The following ABTB3 variants were observed in gnomAD, a reference collection of about 807,000 sequenced individuals.
ABTB3 encodes the protein ankyrin repeat- and BTB/POZ domain-containing protein 3.
chr12:107,580,794 C>A, the ABTB3 span: 1 of 1,496,844 alleles, frequency 6.7e-7, no homozygotes, highest in Admixed American at 2.1e-5. Context: ...CCAGACCCTG[C>A]GCTTGGTGCT....
chr12:107,490,570 AGG>A, the ABTB3 span, among the ~76,000 whole-genome samples: 1 of 152,158 alleles, frequency 6.6e-6, no homozygotes, highest in Admixed American at 6.5e-5. Flanking sequence ...TCATGCCCCT[AGG>A]AATCCGACTG....
the ABTB3 span, among the ~76,000 whole-genome samples, chr12:107,566,167 T>C: frequency 6.6e-6 from 1 of 152,222 alleles, no homozygotes; most frequent in Non-Finnish European, 1.5e-5. Context: ...CCTGCTCTTA[T>C]CTTTTCCTTG....
chr12:107,566,828 ACT>A, the ABTB3 span, among the ~76,000 whole-genome samples: 2 of 152,110 alleles, frequency 1.3e-5, no homozygotes, highest in African/African-American at 4.8e-5. Context: ...AGGGGCAGTG[ACT>A]CACATCTGTA....
At chr12:107,628,956 C>A in the ABTB3 span, among the ~76,000 whole-genome samples, 3 of 152,126 alleles carry the variant, frequency 2.0e-5, no homozygotes, top group Admixed American at 6.5e-5. Flanking sequence ...GCCTGAGCCA[C>A]CTATAAAGGA....
chr12:107,336,403 G>A, the ABTB3 span, among the ~76,000 whole-genome samples: 1 of 152,366 alleles, frequency 6.6e-6, no homozygotes, highest in East Asian at 1.9e-4. Context: ...TCTGAAGACA[G>A]TCTGGCTGCA....
chr12:107,477,046 A>G, the ABTB3 span, among the ~76,000 whole-genome samples: 1 of 152,140 alleles, frequency 6.6e-6, no homozygotes, highest in Non-Finnish European at 1.5e-5. Context: ...CCACATGACT[A>G]CTGGTGCTCT....
chr12:107,458,110 C>T, the ABTB3 span, among the ~76,000 whole-genome samples: 113 of 152,326 alleles, frequency 7.4e-4, no homozygotes, highest in African/African-American at 2.6e-3. Flanking sequence ...TCCTCATCCT[C>T]ATCATCATTG....
the ABTB3 span, among the ~76,000 whole-genome samples, chr12:107,342,770 T>C: frequency 6.6e-6 from 1 of 152,136 alleles, no homozygotes; most frequent in African/African-American, 2.4e-5. Context: ...GGCTCCTCTC[T>C]TCCCCTGCTG....
chr12:107,411,819 AGCTGCG>A, the ABTB3 span, among the ~76,000 whole-genome samples: 1 of 151,904 alleles, frequency 6.6e-6, no homozygotes, highest in South Asian at 2.1e-4. Flanking sequence ...TCCAAATTCC[AGCTGCG>A]GCTTGATCTA....
the ABTB3 span, among the ~76,000 whole-genome samples, chr12:107,532,570 T>A: frequency 6.6e-5 from 10 of 151,990 alleles, no homozygotes; most frequent in African/African-American, 2.2e-4. Flanking sequence ...TCCATAAAAT[T>A]AGAAAAAGCA....
the ABTB3 span, among the ~76,000 whole-genome samples, chr12:107,419,869 C>G: frequency 6.6e-6 from 1 of 152,192 alleles, no homozygotes; most frequent in Non-Finnish European, 1.5e-5. Context: ...GAAGAGCATG[C>G]CTAGCAGAGG....
chr12:107,533,474 A>G, the ABTB3 span, among the ~76,000 whole-genome samples: 1 of 152,246 alleles, frequency 6.6e-6, no homozygotes, highest in Non-Finnish European at 1.5e-5. Flanking sequence ...AACAGTAGCT[A>G]TATTTATTTC....
At chr12:107,375,648 GT>G in the ABTB3 span, among the ~76,000 whole-genome samples, 3 of 152,156 alleles carry the variant, frequency 2.0e-5, no homozygotes, top group Non-Finnish European at 4.4e-5. Context: ...TTCCTGGTCT[GT>G]AGCACAGTGA....
the ABTB3 span, among the ~76,000 whole-genome samples, chr12:107,344,302 G>A: frequency 6.6e-6 from 1 of 152,212 alleles, no homozygotes; most frequent in Non-Finnish European, 1.5e-5. Context: ...GGGAGGCTAA[G>A]AAGTTTAGTT....
the ABTB3 span, among the ~76,000 whole-genome samples, chr12:107,466,613 C>A: frequency 6.6e-6 from 1 of 151,960 alleles, no homozygotes; most frequent in Non-Finnish European, 1.5e-5. Context: ...GCAAATGAGA[C>A]CTGCCCTGGG....
chr12:107,641,207 C>A, the ABTB3 span, among the ~76,000 whole-genome samples: 46 of 152,250 alleles, frequency 3.0e-4, no homozygotes, highest in African/African-American at 9.9e-4. Context: ...AAACACAAAC[C>A]CCAGATGTCT....
At chr12:107,493,427 G>A in the ABTB3 span, among the ~76,000 whole-genome samples, 4 of 152,312 alleles carry the variant, frequency 2.6e-5, no homozygotes, top group South Asian at 4.1e-4. Flanking sequence ...CCCAGCAAAC[G>A]GAGCTTGCAT....
the ABTB3 span, among the ~76,000 whole-genome samples, chr12:107,593,813 T>C: frequency 1.4e-4 from 21 of 152,276 alleles, no homozygotes; most frequent in East Asian, 7.7e-4. Flanking sequence ...TTCCTCTGCA[T>C]GGCCCCACCC....
the ABTB3 span, among the ~76,000 whole-genome samples, chr12:107,489,501 C>CAA: frequency 3.5e-3 from 540 of 152,230 alleles, 5 homozygotes; most frequent in African/African-American, 0.012. Flanking sequence ...GCCTGGGTGA[C>CAA]GAGCAAAACT....
Sources: gnomAD v4.1 joint callset for allele counts (sites outside exome capture counted in the v4.1 genomes callset) on GRCh38, gnomAD v4.1.1 for gene constraint, MANE v1.5 for transcripts, NCBI Gene and HGNC (gene_info 2026-07-23, HGNC 2026-07-21) for gene names.